The following IGBP1 variants were observed in gnomAD, a reference collection of about 807,000 sequenced individuals.
The protein encoded by IGBP1 is immunoglobulin binding protein 1.
A neutral mutation model predicts 25.9 loss-of-function variants in IGBP1; 2 were observed. The observed-to-expected ratio is 0.08, with a 90% CI of 0.03 to 0.24. IGBP1 has a LOEUF of 0.24. IGBP1 is among the 10% of genes least tolerant of loss of function. IGBP1 has a pLI of 1.00. For missense variants in IGBP1, 187 were observed against 260.4 expected, an observed-to-expected ratio of 0.72 and a Z score of 1.94; for synonymous variants, 96 against 93.4, an observed-to-expected ratio of 1.03 and a Z score of -0.16.
At chrX:70,150,147 G>T (rs1193364799) in intron 5 of IGBP1, 63 bp from the exon 6 acceptor site, 5 of 670,476 alleles carry the variant, frequency 7.5e-6, no homozygotes, top group Non-Finnish European at 9.6e-6. Flanking sequence ...GTAGTACTGG[G>T]TTTTTTTTGT....
chrX:70,152,791 AT>A (rs1229819810), intron 6 of IGBP1, among the ~76,000 whole-genome samples: 2 of 111,717 alleles, frequency 1.8e-5, no homozygotes, highest in East Asian at 5.6e-4. Flanking sequence ...AATAGAAATT[AT>A]CCAATTTGAA....
chrX:70,140,671 G>GT (rs1478061639), intron 3 of IGBP1, among the ~76,000 whole-genome samples: 2 of 111,940 alleles, frequency 1.8e-5, no homozygotes, highest in Non-Finnish European at 3.8e-5. Context: ...TATGTCCTCT[G>GT]TCTCAAAACC....
rs147789457 is a variant in IGBP1 at position 70,149,819 on chromosome X, A to G, written c.759-391A>G. ...AAAAGGACATATTTGCCTCCCTATGATTTAATTCTGAGTTCTTGAGATATG... is the reference window on the plus strand; with the variant it reads ...AAAAGGACATATTTGCCTCCCTATGGTTTAATTCTGAGTTCTTGAGATATG... On this transcript the variant is annotated intron_variant, in intron 5 of 6. Transcript: ENST00000356413. Among the ~76,000 whole-genome samples the G allele has an allele frequency of 9.6e-4, 107 of 111,483 alleles. 2 individuals carry two copies. In the East Asian group the frequency reaches 0.029, roughly 31 times the overall value.
rs372853715 is a variant in IGBP1, at chrX:70,143,170, C to T, written c.483-3463C>T. On this transcript the variant is annotated intron_variant, in intron 3 of 6. Transcript: ENST00000356413. ...ATCTCCTGACCTTGTGATCCACCCA[C>T]CTCAGCCTCCCAAAGTGCTGGGATT... 2.4e-3 allele frequency among the ~76,000 whole-genome samples: 271 copies of T among 111,291 alleles called. 4 individuals carry two copies. Among genetic ancestry groups the T allele is most frequent in the African/African-American group, 8.5e-3 (259 of 30,621 alleles).
intron 6 of IGBP1, among the ~76,000 whole-genome samples, chrX:70,150,906 G>A (rs2085198540): frequency 8.9e-6 from 1 of 111,967 alleles, no homozygotes; most frequent in African/African-American, 3.2e-5. Flanking sequence ...GGAAGCAATA[G>A]GGTATAACCG....
chrX:70,143,010 G>A (rs1287413726), intron 3 of IGBP1, among the ~76,000 whole-genome samples: 1 of 94,512 alleles, frequency 1.1e-5, no homozygotes, highest in Non-Finnish European at 2.1e-5. Context: ...TGCAAGCTCC[G>A]CCTCCCGGGT....
rs759714273 is a variant in IGBP1, at chrX:70,133,995, C to A, written c.48C>A (p.Phe16Leu). 2 of 1,211,253 alleles carry A rather than the reference C, an allele frequency of 1.7e-6. No homozygotes were observed. The highest frequency in any genetic ancestry group is 2.2e-6 in the Non-Finnish European group (2 of 895,071). Residue 16 changes from phenylalanine (F) to leucine (L), a missense_variant, in exon 2 of 7, where the codon TTC (phenylalanine) becomes TTA (leucine). By Grantham distance (22) the Phe-to-Leu change is conservative (BLOSUM62 0). Transcript: ENST00000356413. The part of the protein sequence containing the change: ...ELQLPRLPEL[F>L]ETGRQLLDEV... ...AGCTGCCGCGGCTCCCCGAGCTGTTCGAAACTGGTAGACAGTTACTGGACG... is the reference window on the plus strand; with the variant it reads ...AGCTGCCGCGGCTCCCCGAGCTGTTAGAAACTGGTAGACAGTTACTGGACG...
chrX:70,142,632 A>G (rs2085137715), intron 3 of IGBP1, among the ~76,000 whole-genome samples: 2 of 109,848 alleles, frequency 1.8e-5, no homozygotes, highest in Admixed American at 2.0e-4. Context: ...AGCCTGGGCA[A>G]CGTAGTGAGA....
chrX:70,145,108 A>AC (rs1033515029), intron 3 of IGBP1, among the ~76,000 whole-genome samples: 1 of 109,017 alleles, frequency 9.2e-6, no homozygotes, highest in Non-Finnish European at 1.9e-5. Context: ...TTCAAGGACC[A>AC]CCCCCACCAC....
At chrX:70,146,249 A>G (rs1569422553) in intron 3 of IGBP1, among the ~76,000 whole-genome samples, 2 of 46,046 alleles carry the variant, frequency 4.3e-5, no homozygotes, top group Admixed American at 3.8e-4. Flanking sequence ...CTAAGATTCT[A>G]TGATTTTTTT....
chrX:70,135,704 C>T (rs932713002), intron 3 of IGBP1, among the ~76,000 whole-genome samples: 3 of 111,054 alleles, frequency 2.7e-5, no homozygotes, highest in African/African-American at 9.8e-5. Flanking sequence ...GATGTGTAGA[C>T]CAAAAACAGC....
Position 70,150,360 on chromosome X carries a change from T to C in IGBP1, c.871+38T>C, listed in dbSNP as rs751671716. On this transcript the variant is annotated intron_variant, in intron 6 of 6. Coordinates refer to ENST00000356413, the MANE Select transcript of IGBP1 (RefSeq NM_001551.3). ...AGGAGGGAAATAGTTGTACCACTGG[T>C]CTTTTACTCCCTGGCAATTAAGTTC... 3.5e-6 allele frequency: 3 copies of C among 850,119 alleles called. No homozygotes were observed. The South Asian group carries it at 6.1e-5, about 17-fold the overall frequency. 70.1% of individuals were successfully genotyped at this position (850,119 alleles called of 1,213,427 possible). A position where few individuals can be genotyped will look rare whatever the true frequency, so the allele number is the denominator to read the frequency against.
At chrX:70,143,954 A>C (rs1490675174) in intron 3 of IGBP1, among the ~76,000 whole-genome samples, 7 of 112,513 alleles carry the variant, frequency 6.2e-5, no homozygotes, top group Middle Eastern at 4.6e-3. Context: ...TTGAGAGGCT[A>C]AGGCAGGCAG....
At chrX:70,139,092 C>T (rs1468931773) in intron 3 of IGBP1, among the ~76,000 whole-genome samples, 1 of 111,331 alleles carries the variant, frequency 9.0e-6, no homozygotes, top group African/African-American at 3.3e-5. Flanking sequence ...GGTGGATCAC[C>T]TGAGGTCAGG....
chrX:70,145,921 C>T (rs999881680), intron 3 of IGBP1, among the ~76,000 whole-genome samples: 3 of 112,107 alleles, frequency 2.7e-5, no homozygotes, highest in Admixed American at 9.5e-5. Flanking sequence ...GCACTTATCA[C>T]GACCTAACTC....
At chrX:70,152,207 A>T (rs767977882) in intron 6 of IGBP1, among the ~76,000 whole-genome samples, 7 of 111,491 alleles carry the variant, frequency 6.3e-5, no homozygotes, top group Non-Finnish European at 1.3e-4. Context: ...GATTCTGTAT[A>T]TAAACCCTAC....
intron 6 of IGBP1, chrX:70,163,766 G>A (rs1356236814): frequency 9.0e-6 from 1 of 111,578 alleles, no homozygotes; most frequent in African/African-American, 3.3e-5. Flanking sequence ...AATAAAGGAG[G>A]ACATGTTAGA....
At chrX:70,164,300 A>C (rs191946058) in intron 6 of IGBP1, among the ~76,000 whole-genome samples, 20 of 111,855 alleles carry the variant, frequency 1.8e-4, no homozygotes, top group Admixed American at 1.5e-3. Context: ...AAGATCACAG[A>C]TTACATGATT....
chrX:70,136,440 G>T (rs771549208), intron 3 of IGBP1, among the ~76,000 whole-genome samples: 1 of 111,527 alleles, frequency 9.0e-6, no homozygotes, highest in East Asian at 2.8e-4. Flanking sequence ...GTTCAATAAG[G>T]TGTATTAAAT....
Sources: allele counts gnomAD v4.1 joint callset (sites outside exome capture counted in the v4.1 genomes callset), GRCh38; gene constraint gnomAD v4.1.1; transcripts MANE v1.5; gene names NCBI Gene and HGNC (gene_info 2026-07-23, HGNC 2026-07-21).